CPN1: variants seen among roughly 807,000 people sequenced by gnomAD.
The protein encoded by CPN1 is carboxypeptidase N catalytic chain.
A neutral mutation model predicts 46.4 loss-of-function variants in CPN1; 37 were observed. That is an observed-to-expected ratio of 0.80 (90% CI 0.61 to 1.05). The LOEUF (loss-of-function observed/expected upper bound fraction) is 1.05, where lower values mean the gene tolerates loss of function less well. Ranked by LOEUF, CPN1 falls within the 50% of genes least tolerant of loss-of-function variation. CPN1 has a pLI of 0.00. For missense variants in CPN1, 563 were observed against 602.6 expected (o/e 0.93, Z 0.69); for synonymous variants, 224 against 235.4 (o/e 0.95, Z 0.44).
chr10:100,076,003 T>G lies in CPN1; in HGVS notation c.328A>C (p.Arg110=), dbSNP rs2041512035. 1 of 1,614,192 alleles carries G rather than the reference T, an allele frequency of 6.2e-7. No homozygotes were observed. The highest frequency in any genetic ancestry group is 8.5e-7 in the Non-Finnish European group (1 of 1,180,040). The change falls in exon 2 of 9, where the codon AGG becomes CGG. Residue 110 remains arginine (R), a synonymous_variant. Transcript: ENST00000370418. ...SEFLCEEFRN[R]NQRIVQLIQD... is the part of the protein sequence containing the mutation. ...ATGAGCTGGACGATGCGCTGGTTCC[T>G]GTTCCGGAACTCCTCGCACAGAAAC...
chr10:100,072,244 T>C (rs59019550), intron 2 of CPN1, among the ~76,000 whole-genome samples: 3,072 of 152,258 alleles, frequency 0.02, 80 homozygotes, highest in African/African-American at 0.069. Context: ...AGCATGATCA[T>C]GGCTCACTGC....
At chr10:100,060,965 C>A (rs1304240937) in intron 5 of CPN1, among the ~76,000 whole-genome samples, 1 of 151,732 alleles carries the variant, frequency 6.6e-6, no homozygotes, top group South Asian at 2.1e-4. Flanking sequence ...TTTGCAAAAA[C>A]AGGGATGAAG....
chr10:100,073,033 T>C (rs1373323645), intron 2 of CPN1, among the ~76,000 whole-genome samples: 1 of 152,216 alleles, frequency 6.6e-6, no homozygotes, highest in Admixed American at 6.5e-5. Context: ...TTCTCATATT[T>C]TCCCTTTTCT....
intron 1 of CPN1, among the ~76,000 whole-genome samples, chr10:100,080,836 T>A (rs2041540795): frequency 6.6e-6 from 1 of 152,094 alleles, no homozygotes. Flanking sequence ...GAGGCTGCAG[T>A]GAGCTGAGAT....
chr10:100,055,589 A>G (rs1193436228), intron 6 of CPN1, among the ~76,000 whole-genome samples: 2 of 152,018 alleles, frequency 1.3e-5, no homozygotes, highest in African/African-American at 4.8e-5. Context: ...CAATGGCGCA[A>G]TCTCAGCTCA....
intron 3 of CPN1, among the ~76,000 whole-genome samples, chr10:100,068,924 A>G (rs1233520062): frequency 2.0e-5 from 3 of 152,240 alleles, no homozygotes; most frequent in Non-Finnish European, 4.4e-5. Context: ...TTCTGTCCAC[A>G]GTCTAGTGTA....
At chr10:100,072,134 C>T (rs904726131) in intron 2 of CPN1, among the ~76,000 whole-genome samples, 6 of 152,020 alleles carry the variant, frequency 3.9e-5, no homozygotes, top group African/African-American at 9.7e-5. Context: ...GTAGAACTGC[C>T]GAGTCATAAG....
chr10:100,048,899 T>C (rs1251588546), intron 7 of CPN1, 23 bp from the exon 8 acceptor site: 1 of 1,546,542 alleles, frequency 6.5e-7, no homozygotes, highest in Non-Finnish European at 8.9e-7. Context: ...AAGATATAAC[T>C]CAGTCTACTG....
chr10:100,075,966 C>T lies in CPN1; in HGVS notation c.365G>A (p.Arg122His), dbSNP rs770920497. The T allele has an allele frequency of 1.1e-5, 17 of 1,613,986 alleles. No individual in the cohort carries two copies. Among genetic ancestry groups the T allele is most frequent in the East Asian group, 2.2e-5 (1 of 44,898 alleles). ...QRIVQLIQDTRIHILPSMNPD... is the reference protein window; with the variant it reads ...QRIVQLIQDTHIHILPSMNPD... ...GTTCATGGATGGCAGGATGTGAATG[C>T]GCGTGTCCTGGATGAGCTGGACGAT... Residue 122 changes from arginine (R) to histidine (H), a missense_variant, in exon 2 of 9, where the codon CGC becomes CAC. Physicochemically the swap from Arg to His is conservative, Grantham distance 29 (BLOSUM62 0). Transcript: ENST00000370418.
At chr10:100,047,311 A>AGGAGGAGGAGAAGAAAG (rs1267196978) in intron 8 of CPN1, among the ~76,000 whole-genome samples, 3 of 151,906 alleles carry the variant, frequency 2.0e-5, no homozygotes, top group Non-Finnish European at 2.9e-5. Context: ...GTCAAGGAGA[A>AGGAGGAGGAGAAGAAAG]GGAGGAGGAG....
In CPN1 at chr10:100,081,777, G is replaced by C; in HGVS notation, c.-152C>G. The C allele has an allele frequency of 2.9e-6, 2 of 697,402 alleles. No individual in the cohort carries two copies. Among genetic ancestry groups the C allele is most frequent in the Non-Finnish European group, 5.2e-6 (2 of 387,662 alleles). The allele number at this position is 697,402 out of a possible 1,614,324, so 43.2% of individuals were successfully genotyped here. Reference sequence around the variant, plus strand: ...AGACGTTCCCAGCTGTCCGTCCAAGGCTGGAAATTCTTTATGTCGTTCTGG... The same window carrying C: ...AGACGTTCCCAGCTGTCCGTCCAAGCCTGGAAATTCTTTATGTCGTTCTGG... On this transcript the variant is annotated 5_prime_UTR_variant, in exon 1 of 9. Transcript: ENST00000370418.
chr10:100,043,100 A>G (rs1212915053), intron 8 of CPN1, among the ~76,000 whole-genome samples: 1 of 150,110 alleles, frequency 6.7e-6, no homozygotes, highest in Non-Finnish European at 1.5e-5. Context: ...TCAAAAAAAA[A>G]AAAAAAAAAG....
intron 5 of CPN1, among the ~76,000 whole-genome samples, chr10:100,057,512 G>A (rs1481534534): frequency 6.6e-6 from 1 of 152,158 alleles, no homozygotes; most frequent in African/African-American, 2.4e-5. Context: ...TTGTTTTAAG[G>A]TGAGTTGAAG....
In CPN1 at chr10:100,065,377, G is replaced by A. The variant is rs2041449151; in HGVS notation, c.577-7C>T. On this transcript the variant is annotated splice_polypyrimidine_tract_variant and splice_region_variant and intron_variant, in intron 3 of 8. Transcript: ENST00000370418. ...CCCGGGTCTCGGGTTCCACCTGGGAGGAGGCGAGAGGTTGGCGGTGAAGGG... is the reference window on the plus strand; with the variant it reads ...CCCGGGTCTCGGGTTCCACCTGGGAAGAGGCGAGAGGTTGGCGGTGAAGGG... 2 of 1,614,128 alleles carry A rather than the reference G, an allele frequency of 1.2e-6. No individual in the cohort carries two copies. Among genetic ancestry groups the A allele is most frequent in the Non-Finnish European group, 1.7e-6 (2 of 1,180,012 alleles).
chr10:100,058,412 A>T (rs997884846), intron 5 of CPN1, among the ~76,000 whole-genome samples: 1 of 152,232 alleles, frequency 6.6e-6, no homozygotes, highest in Non-Finnish European at 1.5e-5. Flanking sequence ...CCCATCCCAG[A>T]AAAACAGACT....
chr10:100,044,804 G>C (rs573401774), intron 8 of CPN1, among the ~76,000 whole-genome samples: 2 of 151,852 alleles, frequency 1.3e-5, no homozygotes, highest in Non-Finnish European at 2.9e-5. Context: ...TCCGCCCCCT[G>C]GGTTCAAGCA....
At chr10:100,048,967 C>CTT in intron 7 of CPN1, 91 bp from the exon 8 acceptor site, 4 of 1,026,474 alleles carry the variant, frequency 3.9e-6, no homozygotes, top group Non-Finnish European at 6.0e-6. Flanking sequence ...GTTGGCTTTT[C>CTT]TTTTTTTTTG....
At chr10:100,075,233 T>C (rs923926153) in intron 2 of CPN1, among the ~76,000 whole-genome samples, 4 of 152,152 alleles carry the variant, frequency 2.6e-5, no homozygotes, top group Non-Finnish European at 5.9e-5. Flanking sequence ...GAAATCGCAG[T>C]GAGCCGAGAT....
Position 100,042,386 on chromosome 10 carries a change from G to A in CPN1, c.*41C>T. Reference sequence around the variant, plus strand: ...GAATGCTTGATCTGATCTGAGAGCAGGAGCAAAGCCTTTCTGAAGGGTTGC... The same window carrying A: ...GAATGCTTGATCTGATCTGAGAGCAAGAGCAAAGCCTTTCTGAAGGGTTGC... On this transcript the variant is annotated 3_prime_UTR_variant, in exon 9 of 9. Transcript: ENST00000370418. 6.2e-7 allele frequency: 1 copy of A among 1,611,582 alleles called. No individual in the cohort carries two copies. Among genetic ancestry groups the A allele is most frequent in the Non-Finnish European group, 8.5e-7 (1 of 1,179,374 alleles).
Sources: allele counts gnomAD v4.1 joint callset (sites outside exome capture counted in the v4.1 genomes callset), GRCh38; gene constraint gnomAD v4.1.1; transcripts MANE v1.5; gene names NCBI Gene and HGNC (gene_info 2026-07-23, HGNC 2026-07-21).